ZBTB20: variants seen among roughly 807,000 people sequenced by gnomAD.
ZBTB20 encodes the protein zinc finger and BTB domain-containing protein 20.
Under a neutral mutation model 56.9 loss-of-function variants are expected in ZBTB20, and 9 were observed. The ratio of observed to expected loss-of-function variants is 0.16; its 90% CI spans 0.10 to 0.28. The LOEUF (loss-of-function observed/expected upper bound fraction) is 0.28. Among genes scored for constraint, ZBTB20 ranks in the 10% least tolerant of loss-of-function variants. ZBTB20 has a pLI of 1.00. For missense variants in ZBTB20, 655 were observed against 1,003.0 expected (o/e 0.65, Z 4.69); for synonymous variants, 417 against 420.7 (o/e 0.99, Z 0.11).
At chr3:114,583,819 C>G (rs547650984) in intron 6 of ZBTB20, among the ~76,000 whole-genome samples, 2 of 152,236 alleles carry the variant, frequency 1.3e-5, no homozygotes, top group African/African-American at 4.8e-5. Context: ...CACATCAGTG[C>G]AAATTATTAA....
At chr3:115,097,672 G>C (rs2083430709) in intron 1 of ZBTB20, among the ~76,000 whole-genome samples, 1 of 152,140 alleles carries the variant, frequency 6.6e-6, no homozygotes, top group African/African-American at 2.4e-5. Context: ...ACTGTGACCT[G>C]ACCAAGACTT....
At chr3:114,482,244 C>A (rs945971499) in intron 7 of ZBTB20, among the ~76,000 whole-genome samples, 4 of 152,116 alleles carry the variant, frequency 2.6e-5, no homozygotes, top group Non-Finnish European at 4.4e-5. Context: ...TCTACATGGA[C>A]AGGAAACTAA....
chr3:114,784,596 T>C (rs2070357279), intron 5 of ZBTB20, among the ~76,000 whole-genome samples: 1 of 152,192 alleles, frequency 6.6e-6, no homozygotes, highest in African/African-American at 2.4e-5. Flanking sequence ...TATGTGGTTA[T>C]CATTTGAGTG....
At chr3:114,811,297 A>G (rs1160738278) in intron 4 of ZBTB20, among the ~76,000 whole-genome samples, 1 of 152,224 alleles carries the variant, frequency 6.6e-6, no homozygotes, top group Non-Finnish European at 1.5e-5. Context: ...TTTGGAACTC[A>G]AATAACTTGT....
intron 4 of ZBTB20, among the ~76,000 whole-genome samples, chr3:114,890,936 C>T (rs909254681): frequency 1.3e-4 from 19 of 151,802 alleles, no homozygotes; most frequent in African/African-American, 3.9e-4. Flanking sequence ...CTTAGCTTGG[C>T]GATGCTTGAT....
intron 4 of ZBTB20, among the ~76,000 whole-genome samples, chr3:114,887,613 C>T (rs1040351541): frequency 6.6e-6 from 1 of 152,146 alleles, no homozygotes; most frequent in Admixed American, 6.5e-5. Flanking sequence ...ATGGGACCAT[C>T]AGAAGCTGGA....
At chr3:114,539,805 A>G (rs1347188372) in intron 6 of ZBTB20, among the ~76,000 whole-genome samples, 1 of 151,838 alleles carries the variant, frequency 6.6e-6, no homozygotes, top group Non-Finnish European at 1.5e-5. Flanking sequence ...CCATCTTTGT[A>G]TCTCTAGACC....
At chr3:114,381,742 G>A (rs999958797) in intron 8 of ZBTB20, among the ~76,000 whole-genome samples, 5 of 152,208 alleles carry the variant, frequency 3.3e-5, no homozygotes, top group Admixed American at 2.0e-4. Flanking sequence ...AGAATATGGT[G>A]TTATGATTAG....
intron 2 of ZBTB20, among the ~76,000 whole-genome samples, chr3:114,997,416 T>C (rs2079072064): frequency 6.6e-6 from 1 of 151,774 alleles, no homozygotes; most frequent in Non-Finnish European, 1.5e-5. Flanking sequence ...TTTTTAAGTG[T>C]CCATTAGATT....
At chr3:114,776,870 C>A (rs2069642260) in intron 5 of ZBTB20, among the ~76,000 whole-genome samples, 2 of 152,152 alleles carry the variant, frequency 1.3e-5, no homozygotes. Flanking sequence ...GGGCATTCAA[C>A]AGAAGATTAA....
intron 3 of ZBTB20, among the ~76,000 whole-genome samples, chr3:114,902,237 CA>C (rs1671904154): frequency 1.3e-5 from 2 of 152,114 alleles, no homozygotes; most frequent in African/African-American, 4.8e-5. Context: ...GAAATGATGG[CA>C]AGAATAATTT....
intron 4 of ZBTB20, among the ~76,000 whole-genome samples, chr3:114,813,453 A>G (rs919217269): frequency 6.6e-6 from 1 of 152,180 alleles, no homozygotes; most frequent in Non-Finnish European, 1.5e-5. Context: ...GCTATTAATT[A>G]ACAATAAAAA....
intron 1 of ZBTB20, among the ~76,000 whole-genome samples, chr3:115,141,642 A>G (rs1434354661): frequency 6.6e-6 from 1 of 152,206 alleles, no homozygotes; most frequent in Non-Finnish European, 1.5e-5. Context: ...AGGCCAAAAG[A>G]AAATGACAAT....
intron 5 of ZBTB20, among the ~76,000 whole-genome samples, chr3:114,751,209 G>A (rs2067534109): frequency 6.6e-6 from 1 of 152,050 alleles, no homozygotes; most frequent in South Asian, 2.1e-4. Context: ...TGTTATTATT[G>A]TTGTGGTTAT....
intron 4 of ZBTB20, among the ~76,000 whole-genome samples, chr3:114,836,843 A>G (rs973166944): frequency 1.3e-5 from 2 of 152,198 alleles, no homozygotes. Flanking sequence ...GAAATGCAGG[A>G]AAGATGATAT....
At chr3:114,937,434 T>C (rs112237327) in intron 3 of ZBTB20, among the ~76,000 whole-genome samples, 13,971 of 151,848 alleles carry the variant, frequency 0.092, 1,883 homozygotes, top group African/African-American at 0.3. Flanking sequence ...TCTTCTTTTT[T>C]TTTTTTAGAT....
intron 4 of ZBTB20, among the ~76,000 whole-genome samples, chr3:114,809,343 G>A (rs900496069): frequency 2.6e-5 from 4 of 151,932 alleles, no homozygotes; most frequent in African/African-American, 9.7e-5. Flanking sequence ...ACAGGTCTCC[G>A]AAGCTCTGCT....
intron 2 of ZBTB20, among the ~76,000 whole-genome samples, chr3:115,060,944 G>C (rs1182869121): frequency 6.6e-6 from 1 of 152,082 alleles, no homozygotes; most frequent in Admixed American, 6.6e-5. Context: ...CTGTAGGTTA[G>C]AGAATTCACC....
rs1285933404 is a variant in ZBTB20, at chr3:114,380,279, G to C, written c.137C>G (p.Pro46Arg). The C allele has an allele frequency of 1.2e-5, 18 of 1,537,172 alleles. No individual in the cohort carries two copies. The highest frequency in any genetic ancestry group is 1.5e-5 in the Non-Finnish European group (17 of 1,146,872). ...TGAATGTGTTGAGTGGATGAGGGCT[G>C]GGTCTGGAGACAAAACAGCTTCAAA... ...LNFEAVLSPD[P>R]ALIHSTHSLT... Residue 46 changes from proline to arginine, a missense_variant, in exon 10 of 12, where the codon CCA becomes CGA. Physicochemically the swap from Pro to Arg is moderately radical, Grantham distance 103 (BLOSUM62 -2). Transcript: ENST00000675478.
Sources: allele counts gnomAD v4.1 joint callset (sites outside exome capture counted in the v4.1 genomes callset), GRCh38; gene constraint gnomAD v4.1.1; transcripts MANE v1.5; gene names NCBI Gene and HGNC (gene_info 2026-07-23, HGNC 2026-07-21).